SLC44A5: variants seen among roughly 807,000 people sequenced by gnomAD.
The protein encoded by SLC44A5 is choline transporter-like protein 5.
In SLC44A5, 57 loss-of-function variants were observed where a neutral mutation model predicts 101.8. The observed-to-expected ratio is 0.56, with a 90% CI of 0.45 to 0.70. The LOEUF (loss-of-function observed/expected upper bound fraction) is 0.70. Ranked by LOEUF, SLC44A5 falls within the 30% of genes least tolerant of loss-of-function variation. SLC44A5 has a pLI of 0.00. For synonymous variants in SLC44A5, 281 were observed against 290.9 expected (o/e 0.97, Z 0.35); for missense variants, 737 against 853.1 (o/e 0.86, Z 1.70).
intron 2 of SLC44A5, among the ~76,000 whole-genome samples, chr1:75,439,812 G>T (rs1665094703): frequency 6.6e-6 from 1 of 152,004 alleles, no homozygotes; most frequent in African/African-American, 2.4e-5. Flanking sequence ...ATTGATAAAA[G>T]ACATGAATCC....
At chr1:75,570,575 C>T (rs1221282166) in intron 1 of SLC44A5, among the ~76,000 whole-genome samples, 1 of 152,120 alleles carries the variant, frequency 6.6e-6, no homozygotes, top group African/African-American at 2.4e-5. Flanking sequence ...ATCCCAACAC[C>T]TATTTTTGCA....
At position 75,608,578 on chromosome 1, in the gene SLC44A5, C is replaced by G. The variant is rs139107114; in HGVS notation, c.-70+2462G>C. Among the ~76,000 whole-genome samples, 1,010 of 152,070 alleles carry G rather than the reference C, an allele frequency of 6.6e-3. 11 individuals carry two copies. Among genetic ancestry groups the G allele is most frequent in the African/African-American group, 0.023 (961 of 41,512 alleles). On this transcript the variant is annotated intron_variant, in intron 1 of 23. Transcript: ENST00000370859. ...TGCCACATTTCCCCAGAGTAAAAAC[C>G]AAAGTCTTAAAACTTTCTAAAAAGT...
the SLC44A5 span, among the ~76,000 whole-genome samples, chr1:75,683,612 G>A: frequency 6.6e-6 from 1 of 152,248 alleles, no homozygotes; most frequent in African/African-American, 2.4e-5. Flanking sequence ...GTTGTGAGGT[G>A]GCGGAAGGGG....
At chr1:75,662,930 A>G in the SLC44A5 span, among the ~76,000 whole-genome samples, 1 of 152,152 alleles carries the variant, frequency 6.6e-6, no homozygotes, top group African/African-American at 2.4e-5. Flanking sequence ...TATTTATTTA[A>G]GATCCCAAGT....
At position 75,595,372 on chromosome 1, in the gene SLC44A5, AT is replaced by A. The variant is rs563991800; in HGVS notation, c.-70+15667del. On this transcript the variant is annotated intron_variant, in intron 1 of 23. Coordinates refer to ENST00000370859, the MANE Select transcript of SLC44A5 (RefSeq NM_001130058.2). Reference sequence around the variant, plus strand: ...TGCCCAAAGCATACCAGATTTCAATATTTCAAAAACATCTCAAAGGCCCTGA... The same window carrying A: ...TGCCCAAAGCATACCAGATTTCAATATTCAAAAACATCTCAAAGGCCCTGA... 2.0e-3 allele frequency among the ~76,000 whole-genome samples: 302 copies of A among 152,220 alleles called. 1 individual carries two copies. Among genetic ancestry groups the A allele is most frequent in the Non-Finnish European group, 3.7e-3 (254 of 67,958 alleles).
At chr1:75,585,089 T>C (rs1348074919) in intron 1 of SLC44A5, among the ~76,000 whole-genome samples, 1 of 152,236 alleles carries the variant, frequency 6.6e-6, no homozygotes, top group Non-Finnish European at 1.5e-5. Flanking sequence ...TTCCTGGTTG[T>C]ATAATTTTGG....
At chr1:75,465,193 T>C (rs1485078624) in intron 2 of SLC44A5, among the ~76,000 whole-genome samples, 2 of 152,148 alleles carry the variant, frequency 1.3e-5, no homozygotes, top group Admixed American at 6.5e-5. Context: ...TCATCTTCTC[T>C]GTACACAATG....
chr1:75,268,903 A>G (rs1224835073), intron 6 of SLC44A5, among the ~76,000 whole-genome samples: 3 of 152,086 alleles, frequency 2.0e-5, no homozygotes, highest in Non-Finnish European at 2.9e-5. Context: ...TTTCCATTTT[A>G]TTATTACTAT....
rs531494079 is a variant in SLC44A5 at position 75,330,321 on chromosome 1, C to T, written c.101+9261G>A. Among the ~76,000 whole-genome samples the T allele has an allele frequency of 7.2e-5, 11 of 152,038 alleles. No individual in the cohort carries two copies. In the South Asian group the frequency reaches 2.3e-3, roughly 32 times the overall value. On this transcript the variant is annotated intron_variant, in intron 4 of 23. Coordinates refer to ENST00000370859, the MANE Select transcript of SLC44A5 (RefSeq NM_001130058.2). Reference sequence around the variant, plus strand: ...CCAGCCCTGGGCCTTCCACCACCACCACTGCCACCCCACCATCACCACTGC... The same window carrying T: ...CCAGCCCTGGGCCTTCCACCACCACTACTGCCACCCCACCATCACCACTGC...
intron 3 of SLC44A5, among the ~76,000 whole-genome samples, chr1:75,341,085 T>C (rs1657841331): frequency 6.6e-6 from 1 of 152,240 alleles, no homozygotes; most frequent in Non-Finnish European, 1.5e-5. Flanking sequence ...TGGCTTACAT[T>C]TTAACTATTT....
At chr1:75,646,035 C>T in the SLC44A5 span, among the ~76,000 whole-genome samples, 1 of 134,506 alleles carries the variant, frequency 7.4e-6, no homozygotes, top group Non-Finnish European at 1.7e-5. Context: ...GTTACTGTAG[C>T]TTTGTAGTAT....
At chr1:75,580,601 G>A (rs1011125282) in intron 1 of SLC44A5, among the ~76,000 whole-genome samples, 1 of 152,120 alleles carries the variant, frequency 6.6e-6, no homozygotes, top group African/African-American at 2.4e-5. Context: ...GCACTTTAGG[G>A]GCTGAGGAGG....
chr1:75,305,880 G>C (rs1009628436), intron 4 of SLC44A5, among the ~76,000 whole-genome samples: 1 of 152,146 alleles, frequency 6.6e-6, no homozygotes, highest in Non-Finnish European at 1.5e-5. Context: ...AATCCCCGTA[G>C]ACCTAGGGAA....
chr1:75,639,332 A>C, the SLC44A5 span, among the ~76,000 whole-genome samples: 3 of 152,082 alleles, frequency 2.0e-5, no homozygotes, highest in African/African-American at 7.2e-5. Flanking sequence ...CTGTCAATTT[A>C]AAACAAAACA....
chr1:75,638,768 A>G, the SLC44A5 span, among the ~76,000 whole-genome samples: 2 of 152,086 alleles, frequency 1.3e-5, no homozygotes, highest in Admixed American at 1.3e-4. Flanking sequence ...ATAGCTTTCC[A>G]CTATGTATAT....
the SLC44A5 span, among the ~76,000 whole-genome samples, chr1:75,653,619 C>T: frequency 6.6e-6 from 1 of 151,970 alleles, no homozygotes; most frequent in Non-Finnish European, 1.5e-5. Context: ...AATCAACAGC[C>T]CACACTGATT....
At chr1:75,623,865 C>G in the SLC44A5 span, among the ~76,000 whole-genome samples, 13 of 152,214 alleles carry the variant, frequency 8.5e-5, no homozygotes, top group Non-Finnish European at 1.9e-4. Flanking sequence ...GAGTTGGGGA[C>G]TGATACTGAA....
Position 75,300,421 on chromosome 1 carries a change from T to C in SLC44A5, c.175+191A>G, listed in dbSNP as rs939600370. ...TAAGTAATTTGGGCTTGCCTTTGAC[T>C]AAACTGTTTTATGTTCATTTTTTAT... is the stretch of plus-strand genomic sequence containing the variant. On this transcript the variant is annotated intron_variant, in intron 5 of 23. Transcript: ENST00000370859. Among the ~76,000 whole-genome samples, 5 of 152,314 alleles carry C rather than the reference T, an allele frequency of 3.3e-5. No homozygotes were observed. In the East Asian group the frequency reaches 9.6e-4, roughly 29 times the overall value.
chr1:75,217,189 C>G (rs1646978929), intron 18 of SLC44A5, among the ~76,000 whole-genome samples: 1 of 152,002 alleles, frequency 6.6e-6, no homozygotes, highest in Admixed American at 6.6e-5. Context: ...TTTCCCAGCA[C>G]CATTAGTTGA....
Sources: allele counts gnomAD v4.1 joint callset (sites outside exome capture counted in the v4.1 genomes callset), GRCh38; gene constraint gnomAD v4.1.1; transcripts MANE v1.5; gene names NCBI Gene and HGNC (gene_info 2026-07-23, HGNC 2026-07-21).